The following CEP112 variants were observed in gnomAD, a reference collection of about 807,000 sequenced individuals.
The protein encoded by CEP112 is centrosomal protein of 112 kDa.
Under a neutral mutation model 153.0 loss-of-function variants are expected in CEP112, and 127 were observed. That is an observed-to-expected ratio of 0.83 (90% CI 0.72 to 0.96). The LOEUF is 0.96. Ranked by LOEUF, CEP112 falls within the 40% of genes least tolerant of loss-of-function variation. The pLI is 0.00. For synonymous variants in CEP112, 358 were observed against 374.4 expected (o/e 0.96, Z 0.51); for missense variants, 1,089 against 1,101.2 (o/e 0.99, Z 0.16).
intron 6 of CEP112, 47 bp from the exon 7 acceptor site, chr17:66,096,679 G>A (rs1040542160): frequency 1.7e-6 from 2 of 1,193,852 alleles, no homozygotes; most frequent in South Asian, 1.4e-5. Context: ...TAATTTTGGA[G>A]TTTTAATTAT....
chr17:65,972,385 G>C (rs377346814), intron 17 of CEP112, among the ~76,000 whole-genome samples: 4 of 152,188 alleles, frequency 2.6e-5, no homozygotes, highest in East Asian at 1.9e-4. Context: ...GAGAGATGCT[G>C]CTAACAATGT....
In CEP112 at chr17:66,066,687, T is replaced by C. The variant is rs2067132624; in HGVS notation, c.955+91A>G. 6 of 854,372 alleles carry C rather than the reference T, an allele frequency of 7.0e-6. No homozygotes were observed. In the South Asian group the frequency reaches 1.1e-4, roughly 16 times the overall value. The allele number at this position is 854,372 out of a possible 1,614,324, so 52.9% of individuals were successfully genotyped here. On this transcript the variant is annotated intron_variant, in intron 10 of 26. Coordinates refer to ENST00000535342, the MANE Select transcript of CEP112 (RefSeq NM_001199165.4). ...CCACATAAACATTCCTATCTCATACTATAAAAGGTCAGAAATCAAATTTTT... is the reference window on the plus strand; with the variant it reads ...CCACATAAACATTCCTATCTCATACCATAAAAGGTCAGAAATCAAATTTTT...
chr17:65,970,711 T>A (rs62064277), intron 17 of CEP112, among the ~76,000 whole-genome samples: 1 of 150,902 alleles, frequency 6.6e-6, no homozygotes, highest in Non-Finnish European at 1.5e-5. Flanking sequence ...TGCATACACA[T>A]GACATGTGCC....
chr17:65,955,538 C>A (rs905635352), intron 18 of CEP112, among the ~76,000 whole-genome samples: 4 of 152,096 alleles, frequency 2.6e-5, no homozygotes, highest in African/African-American at 9.7e-5. Flanking sequence ...AAATGCACCA[C>A]CTAAAAGATA....
At chr17:65,923,734 A>G (rs564963808) in intron 19 of CEP112, among the ~76,000 whole-genome samples, 9 of 152,256 alleles carry the variant, frequency 5.9e-5, no homozygotes, top group Admixed American at 2.6e-4. Context: ...CTAACCCATA[A>G]TACCAGGCCA....
At chr17:65,838,077 T>C (rs928001046) in intron 21 of CEP112, among the ~76,000 whole-genome samples, 2 of 149,936 alleles carry the variant, frequency 1.3e-5, no homozygotes, top group African/African-American at 4.9e-5. Flanking sequence ...CACCCAAGAA[T>C]GATCAATAAA....
chr17:66,065,335 G>A (rs571665919), intron 10 of CEP112, among the ~76,000 whole-genome samples: 8 of 151,968 alleles, frequency 5.3e-5, no homozygotes, highest in South Asian at 4.2e-4. Context: ...ATCATACATC[G>A]GACACTGGTA....
At chr17:65,786,065 T>C (rs1231965798) in intron 21 of CEP112, among the ~76,000 whole-genome samples, 1 of 152,218 alleles carries the variant, frequency 6.6e-6, no homozygotes, top group Non-Finnish European at 1.5e-5. Flanking sequence ...TATGAATGCC[T>C]TTTCATTTAT....
At chr17:66,025,665 G>C (rs2065170178) in intron 16 of CEP112, among the ~76,000 whole-genome samples, 1 of 151,968 alleles carries the variant, frequency 6.6e-6, no homozygotes. Context: ...ATGTTGGTGA[G>C]GATGCAGAGA....
intron 24 of CEP112, among the ~76,000 whole-genome samples, chr17:65,672,560 T>C (rs2047039194): frequency 1.3e-5 from 2 of 152,370 alleles, no homozygotes; most frequent in East Asian, 1.9e-4. Context: ...TAATACCTGA[T>C]TGAATCCTCA....
At chr17:66,003,991 T>TATAAAAA (rs1416066583) in intron 17 of CEP112, among the ~76,000 whole-genome samples, 3 of 55,666 alleles carry the variant, frequency 5.4e-5, no homozygotes, top group Admixed American at 3.8e-4. Flanking sequence ...TCCTTAGATT[T>TATAAAAA]ATAAATCAAT....
At chr17:65,968,450 G>A (rs1161026761) in intron 17 of CEP112, among the ~76,000 whole-genome samples, 1 of 152,110 alleles carries the variant, frequency 6.6e-6, no homozygotes. Flanking sequence ...TTTATCATGT[G>A]ACAGAAGCTT....
intron 18 of CEP112, among the ~76,000 whole-genome samples, chr17:65,932,915 G>T (rs1387479483): frequency 6.6e-6 from 1 of 152,130 alleles, no homozygotes; most frequent in African/African-American, 2.4e-5. Context: ...AGAATTATAA[G>T]AAAATATGGA....
chr17:65,693,944 C>A (rs2048242776), intron 23 of CEP112, among the ~76,000 whole-genome samples: 1 of 152,072 alleles, frequency 6.6e-6, no homozygotes, highest in African/African-American at 2.4e-5. Flanking sequence ...CAGGCAGGCT[C>A]TCCCCAGACC....
intron 4 of CEP112, among the ~76,000 whole-genome samples, chr17:66,167,418 T>A (rs1316379896): frequency 6.8e-6 from 1 of 146,074 alleles, no homozygotes; most frequent in African/African-American, 2.5e-5. Flanking sequence ...GAGATAGTGG[T>A]AGTACTAACC....
At chr17:66,024,585 G>C (rs1317265383) in intron 16 of CEP112, among the ~76,000 whole-genome samples, 1 of 151,314 alleles carries the variant, frequency 6.6e-6, no homozygotes, top group Non-Finnish European at 1.5e-5. Context: ...AAAAACCTAA[G>C]AATATATTTA....
At chr17:66,144,034 C>T (rs947218835) in intron 4 of CEP112, among the ~76,000 whole-genome samples, 2 of 152,076 alleles carry the variant, frequency 1.3e-5, no homozygotes, top group African/African-American at 4.8e-5. Context: ...TCCTTTAGTT[C>T]ACAGGTTCAG....
intron 21 of CEP112, among the ~76,000 whole-genome samples, chr17:65,832,617 T>TTCCTGGACACATACA (rs2057131393): frequency 6.6e-6 from 1 of 151,674 alleles, no homozygotes; most frequent in South Asian, 2.1e-4. Flanking sequence ...GATGGATTAA[T>TTCCTGGACACATACA]TCCTGGACAC....
chr17:65,907,540 G>A (rs1368718574), intron 19 of CEP112, among the ~76,000 whole-genome samples: 1 of 152,106 alleles, frequency 6.6e-6, no homozygotes, highest in Non-Finnish European at 1.5e-5. Context: ...AGGCTTGTCT[G>A]CTAAGTCCAA....
Sources: allele counts gnomAD v4.1 joint callset (sites outside exome capture counted in the v4.1 genomes callset), GRCh38; gene constraint gnomAD v4.1.1; transcripts MANE v1.5; gene names NCBI Gene and HGNC (gene_info 2026-07-23, HGNC 2026-07-21).